DAB2IP: variants seen among roughly 807,000 people sequenced by gnomAD.
The protein encoded by DAB2IP is disabled homolog 2-interacting protein.
A neutral mutation model predicts 107.2 loss-of-function variants in DAB2IP; 28 were observed. The observed-to-expected ratio is 0.26, with a 90% CI of 0.19 to 0.36. DAB2IP has a LOEUF of 0.36. Among genes scored for constraint, DAB2IP ranks in the 10% least tolerant of loss-of-function variants. The probability of loss-of-function intolerance (pLI) is 1.00; values close to 1 mark genes in which losing one functional copy is unlikely to be tolerated. For missense variants in DAB2IP, 1,400 were observed against 1,644.7 expected, an observed-to-expected ratio of 0.85 and a Z score of 2.57; for synonymous variants, 755 against 706.4, an observed-to-expected ratio of 1.07 and a Z score of -1.09.
intron 3 of DAB2IP, among the ~76,000 whole-genome samples, chr9:121,706,264 AG>A (rs1353267596): frequency 6.6e-6 from 1 of 152,168 alleles, no homozygotes; most frequent in Non-Finnish European, 1.5e-5. Flanking sequence ...CCAACCTCAG[AG>A]CAGCCGGGTG....
chr9:121,755,134 TG>T (rs1193957856), intron 3 of DAB2IP, among the ~76,000 whole-genome samples: 1 of 152,174 alleles, frequency 6.6e-6, no homozygotes, highest in East Asian at 1.9e-4. Context: ...CCCACGGCAC[TG>T]GTCATTGCCG....
intron 1 of DAB2IP, among the ~76,000 whole-genome samples, chr9:121,595,485 C>T (rs1830510978): frequency 6.6e-6 from 1 of 151,842 alleles, no homozygotes; most frequent in Non-Finnish European, 1.5e-5. Flanking sequence ...TGCCTGTAGT[C>T]CTAGCTACTC....
At chr9:121,609,153 C>T (rs1356753659) in intron 1 of DAB2IP, among the ~76,000 whole-genome samples, 2 of 152,094 alleles carry the variant, frequency 1.3e-5, no homozygotes, top group African/African-American at 2.4e-5. Flanking sequence ...CCATGTTGGC[C>T]GGGCTGGTCT....
intron 3 of DAB2IP, among the ~76,000 whole-genome samples, chr9:121,735,606 T>C (rs578150723): frequency 1.3e-4 from 20 of 152,286 alleles, no homozygotes; most frequent in Admixed American, 7.2e-4. Context: ...CACTGGCTTC[T>C]GTTCATATTT....
At position 121,760,049 on chromosome 9, in the gene DAB2IP, C is replaced by T. The variant is rs201994635; in HGVS notation, c.780C>T (p.Phe260=). 144 of 1,614,080 alleles carry T rather than the reference C, an allele frequency of 8.9e-5. No homozygotes were observed. The East Asian group carries it at 1.6e-3, about 17-fold the overall frequency. ...ACAATGTTTTCTGGGGCGAGCACTT[C>T]GAGTTCCACAACTTGCCGCCTCTGC... The change falls in exon 6 of 16, where the codon TTC becomes TTT. Residue 260 remains phenylalanine, a synonymous_variant. Coordinates refer to ENST00000408936, the Ensembl canonical transcript of DAB2IP. The surrounding 1 kb of genome is among the most constrained non-coding windows in gnomAD (Gnocchi z 5.9).
intron 1 of DAB2IP, among the ~76,000 whole-genome samples, chr9:121,666,576 T>C (rs1833438672): frequency 6.6e-6 from 1 of 151,694 alleles, no homozygotes; most frequent in Non-Finnish European, 1.5e-5. Flanking sequence ...GAGGGGAAGA[T>C]CACACGCCGG....
At position 121,769,794 on chromosome 9, in the gene DAB2IP, G is replaced by A. The variant is rs557719863; in HGVS notation, c.1900-752G>A. On this transcript the variant is annotated intron_variant, in intron 10 of 15. Transcript: ENST00000408936. ...CTTACCTTTCCCCTGTGCTGTCCACGTATCTGCACAACCAGGCAGGAAGAA... is the reference window on the plus strand; with the variant it reads ...CTTACCTTTCCCCTGTGCTGTCCACATATCTGCACAACCAGGCAGGAAGAA... Among the ~76,000 whole-genome samples, 10 of 152,320 alleles carry A rather than the reference G, an allele frequency of 6.6e-5. No individual in the cohort carries two copies. In the East Asian group the frequency reaches 7.7e-4, roughly 12 times the overall value.
intron 1 of DAB2IP, among the ~76,000 whole-genome samples, chr9:121,631,431 G>C (rs1268304422): frequency 6.6e-6 from 1 of 152,150 alleles, no homozygotes; most frequent in Non-Finnish European, 1.5e-5. Flanking sequence ...CAGAAGGCTG[G>C]GGCATGAGTG....
At chr9:121,727,742 G>A (rs774471240) in intron 3 of DAB2IP, among the ~76,000 whole-genome samples, 4 of 152,212 alleles carry the variant, frequency 2.6e-5, no homozygotes, top group Non-Finnish European at 5.9e-5. Context: ...TAACACTTGT[G>A]TATTTCCTTT....
chr9:121,775,205 C>A (rs1370602075), intron 13 of DAB2IP, among the ~76,000 whole-genome samples: 1 of 152,214 alleles, frequency 6.6e-6, no homozygotes, highest in Non-Finnish European at 1.5e-5. Flanking sequence ...CTCCACTCCC[C>A]TCTGGATGCT....
chr9:121,616,657 G>A (rs1359395715), intron 1 of DAB2IP, among the ~76,000 whole-genome samples: 3 of 152,206 alleles, frequency 2.0e-5, no homozygotes, highest in Non-Finnish European at 4.4e-5. Context: ...TTTGCTGAAG[G>A]GAAGTAAGGA....
rs113647549 is a variant in DAB2IP at position 121,610,967 on chromosome 9, A to G, written c.40+43739A>G. Among the ~76,000 whole-genome samples, 544 of 151,742 alleles carry G rather than the reference A, an allele frequency of 3.6e-3. 6 individuals are homozygous for G. The highest frequency in any genetic ancestry group is 0.014 in the South Asian group (67 of 4,806). ...TTTCCTTTTGAGTGGAGTGACCATA[A>G]GATTTGTTTGTTTGTTTGTTTGTTT... On this transcript the variant is annotated intron_variant, in intron 1 of 16. Transcript: ENST00000259371.
chr9:121,715,779 C>A (rs1830571129), intron 3 of DAB2IP, among the ~76,000 whole-genome samples: 1 of 152,212 alleles, frequency 6.6e-6, no homozygotes, highest in African/African-American at 2.4e-5. Context: ...CCTCTAATCC[C>A]AGCTGGACTG....
intron 1 of DAB2IP, among the ~76,000 whole-genome samples, chr9:121,603,523 G>C (rs1393174254): frequency 6.6e-6 from 1 of 152,188 alleles, no homozygotes; most frequent in Admixed American, 6.5e-5. Context: ...GGAGGGAGCG[G>C]TGATAAGAGT....
At chr9:121,758,921 G>A (rs1833682449) in exon 5 of DAB2IP, 1 of 1,613,484 alleles carries the variant, frequency 6.2e-7, no homozygotes, top group Admixed American at 1.7e-5. Flanking sequence ...CAGGAAGCAA[G>A]TGCTTTTCCT....
intron 1 of DAB2IP, among the ~76,000 whole-genome samples, chr9:121,583,963 G>C (rs1368457008): frequency 1.3e-5 from 2 of 152,148 alleles, no homozygotes; most frequent in Non-Finnish European, 2.9e-5. Context: ...AGGATCACAA[G>C]GTCAAGAGTT....
intron 3 of DAB2IP, among the ~76,000 whole-genome samples, chr9:121,724,611 G>T (rs368066829): frequency 9.2e-5 from 14 of 152,226 alleles, no homozygotes; most frequent in African/African-American, 3.4e-4. Context: ...CTAGAATCGG[G>T]CCTGACAGAA....
chr9:121,621,096 T>G (rs1356459167), intron 1 of DAB2IP, among the ~76,000 whole-genome samples: 1 of 152,128 alleles, frequency 6.6e-6, no homozygotes, highest in African/African-American at 2.4e-5. Context: ...CCCTTCCCTT[T>G]TTCCTACCTG....
chr9:121,692,982 C>A (rs978466545), intron 2 of DAB2IP, among the ~76,000 whole-genome samples: 4 of 152,226 alleles, frequency 2.6e-5, no homozygotes, highest in Non-Finnish European at 5.9e-5. Flanking sequence ...CTGGCCCTGG[C>A]AGCTGCTCTG....
Sources: allele counts gnomAD v4.1 joint callset (sites outside exome capture counted in the v4.1 genomes callset), GRCh38; gene constraint gnomAD v4.1.1; non-coding constraint Gnocchi (gnomAD v3.1); transcripts MANE v1.5; gene names NCBI Gene and HGNC (gene_info 2026-07-23, HGNC 2026-07-21).